Variants in DCP2 observed in about 807,000 individuals in gnomAD.
DCP2 encodes the protein decapping mRNA 2.
DCP2 carries 30 observed loss-of-function variants against 56.1 expected under a neutral mutation model. The observed-to-expected ratio is 0.53, with a 90% CI of 0.40 to 0.73. The LOEUF (loss-of-function observed/expected upper bound fraction) is 0.73, where lower values mean the gene tolerates loss of function less well. DCP2 is among the 30% of genes least tolerant of loss of function. The pLI, the probability that DCP2 is intolerant of heterozygous loss-of-function variation, is 0.00. For synonymous variants in DCP2, 197 were observed against 163.3 expected (o/e 1.21, Z -1.57); for missense variants, 533 against 502.7 (o/e 1.06, Z -0.58).
intron 2 of DCP2, 42 bp from the exon 3 acceptor site, chr5:112,992,079 C>A (rs1338549772): frequency 5.0e-6 from 8 of 1,603,454 alleles, no homozygotes; most frequent in Non-Finnish European, 6.8e-6. Context: ...ATTTCTCAAG[C>A]CATATTAAAG....
intron 4 of DCP2, among the ~76,000 whole-genome samples, chr5:112,996,755 A>C (rs756740589): frequency 6.6e-6 from 1 of 152,124 alleles, no homozygotes; most frequent in African/African-American, 2.4e-5. Context: ...CCAATCTTCT[A>C]TTTGACCTTT....
Position 113,021,425 on chromosome 5 carries a change from C to G in DCP2, c.*7941C>G, listed in dbSNP as rs182739141. Among the ~76,000 whole-genome samples, 1 of 148,084 alleles carries G rather than the reference C, an allele frequency of 6.8e-6. No individual in the cohort carries two copies. Among genetic ancestry groups the G allele is most frequent in the East Asian group, 2.0e-4 (1 of 5,084 alleles). On this transcript the variant is annotated 3_prime_UTR_variant, in exon 11 of 11. Transcript: ENST00000389063. ...AAAAACCCCCAGGAAGAAATATTGTCGAGAGTCTCTGCAAAAATGAAAATA... is the reference window on the plus strand; with the variant it reads ...AAAAACCCCCAGGAAGAAATATTGTGGAGAGTCTCTGCAAAAATGAAAATA...
At chr5:112,990,791 C>G (rs1748551246) in intron 2 of DCP2, among the ~76,000 whole-genome samples, 1 of 140,548 alleles carries the variant, frequency 7.1e-6, no homozygotes, top group African/African-American at 3.0e-5. Context: ...CTCTGAGGAC[C>G]TATTTCATTT....
At chr5:113,003,888 A>G in intron 7 of DCP2, 54 bp from the exon 8 acceptor site, 21 of 1,593,682 alleles carry the variant, frequency 1.3e-5, no homozygotes, top group Non-Finnish European at 1.8e-5. Context: ...AAGGTGTTAA[A>G]AGAACTATAA....
intron 9 of DCP2, among the ~76,000 whole-genome samples, chr5:113,009,779 A>G (rs1194832370): frequency 6.6e-6 from 1 of 152,218 alleles, no homozygotes; most frequent in Non-Finnish European, 1.5e-5. Flanking sequence ...ACTATCAGAC[A>G]CTAGTACATA....
At chr5:112,998,576 C>T (rs1238955144) in intron 4 of DCP2, among the ~76,000 whole-genome samples, 1 of 152,164 alleles carries the variant, frequency 6.6e-6, no homozygotes, top group Non-Finnish European at 1.5e-5. Flanking sequence ...ATTTACTAAG[C>T]ACAAAGTACA....
At chr5:113,002,027 T>C (rs1749204356) in intron 7 of DCP2, among the ~76,000 whole-genome samples, 2 of 152,188 alleles carry the variant, frequency 1.3e-5, no homozygotes, top group Admixed American at 1.3e-4. Flanking sequence ...TAAAGACGTT[T>C]GGATGGAGGA....
chr5:112,989,354 T>C (rs934524420), intron 2 of DCP2, among the ~76,000 whole-genome samples: 2 of 152,032 alleles, frequency 1.3e-5, no homozygotes, highest in African/African-American at 2.4e-5. Flanking sequence ...GAAACACATA[T>C]ATTTGTACAT....
intron 4 of DCP2, among the ~76,000 whole-genome samples, chr5:112,998,853 T>A (rs988528228): frequency 6.6e-6 from 1 of 152,220 alleles, no homozygotes; most frequent in East Asian, 1.9e-4. Context: ...AGGAGTTCTT[T>A]TAGGGCAATC....
chr5:113,005,014 A>T (rs1165355435), intron 8 of DCP2, among the ~76,000 whole-genome samples: 1 of 151,812 alleles, frequency 6.6e-6, no homozygotes, highest in Non-Finnish European at 1.5e-5. Flanking sequence ...AATCCCAGCT[A>T]CTCTAGATAG....
At chr5:112,991,970 C>A (rs1268314727) in intron 2 of DCP2, 151 bp from the exon 3 acceptor site, 1 of 1,079,402 alleles carries the variant, frequency 9.3e-7, no homozygotes. Context: ...AGGTGTGAGC[C>A]ATGGTGCCTG....
At position 113,016,252 on chromosome 5, in the gene DCP2, A is replaced by C. The variant is rs1328222207; in HGVS notation, c.*2768A>C. ...TAGCAAATGAATGGTTTAGGATTTC[A>C]AATAGTGATACCCTCCTGAGACATG... On this transcript the variant is annotated 3_prime_UTR_variant, in exon 11 of 11. Coordinates refer to ENST00000389063, the MANE Select transcript of DCP2 (RefSeq NM_152624.6). 1 of 152,644 alleles carries C rather than the reference A, an allele frequency of 6.6e-6. No homozygotes were observed. The highest frequency in any genetic ancestry group is 1.5e-5 in the Non-Finnish European group (1 of 68,038). The allele number at this position is 152,644 out of a possible 1,614,324, so 9.5% of individuals were successfully genotyped here. A position where few individuals can be genotyped will look rare whatever the true frequency, so the allele number is the denominator to read the frequency against.
intron 1 of DCP2, among the ~76,000 whole-genome samples, chr5:112,985,455 G>A (rs1442624289): frequency 5.9e-5 from 9 of 152,190 alleles, no homozygotes; most frequent in African/African-American, 1.9e-4. Context: ...TGTATGTGAA[G>A]ATTATGTAAT....
Position 113,010,785 on chromosome 5 carries a change from A to C in DCP2, c.1077A>C (p.Lys359Asn), listed in dbSNP as rs764345575. 7 of 1,597,692 alleles carry C rather than the reference A, an allele frequency of 4.4e-6. No individual in the cohort carries two copies. The South Asian group carries it at 8.0e-5, about 18-fold the overall frequency. ...GTGAAAAGAAACTTCATCCACGGAA[A>C]CTTCAGGATAATTTTGAAACAGGCA... is the stretch of plus-strand genomic sequence containing the variant. Reference protein sequence around the residue: ...MKCEKKLHPRKLQDNFETDAV... With the variant: ...MKCEKKLHPRNLQDNFETDAV... Residue 359 changes from lysine to asparagine, a missense_variant, in exon 10 of 11, where the codon AAA becomes AAC. Transcript: ENST00000389063.
Position 112,987,440 on chromosome 5 carries a change from T to G in DCP2, c.205+1454T>G, listed in dbSNP as rs78121749. Reference sequence around the variant, plus strand: ...TCTTAAATCTTGAGCTAAAGCACTTTGATTTTTATTCCCCCCGCCCGCCCG... The same window carrying G: ...TCTTAAATCTTGAGCTAAAGCACTTGGATTTTTATTCCCCCCGCCCGCCCG... On this transcript the variant is annotated intron_variant, in intron 2 of 10. Transcript: ENST00000389063. 7.1e-3 allele frequency among the ~76,000 whole-genome samples: 1,084 copies of G among 152,116 alleles called. 10 individuals are homozygous for G. The highest frequency in any genetic ancestry group is 0.024 in the African/African-American group (1,007 of 41,472).
intron 10 of DCP2, among the ~76,000 whole-genome samples, chr5:113,012,314 T>G (rs1238490400): frequency 1.3e-5 from 2 of 152,232 alleles, no homozygotes. Flanking sequence ...GAGCTGTGAT[T>G]ATCACTGTAC....
chr5:113,002,624 A>ATT, intron 7 of DCP2, among the ~76,000 whole-genome samples: 1 of 152,140 alleles, frequency 6.6e-6, no homozygotes, highest in East Asian at 1.9e-4. Flanking sequence ...GGACTCAAGT[A>ATT]ATCATCCCAC....
intron 9 of DCP2, 65 bp downstream of exon 9, chr5:113,008,107 G>A: frequency 7.6e-7 from 1 of 1,308,480 alleles, no homozygotes; most frequent in South Asian, 1.3e-5. Flanking sequence ...CAAGGGCATT[G>A]CCAAAGCACA....
At chr5:112,992,016 A>G (rs1424795268) in intron 2 of DCP2, 105 bp from the exon 3 acceptor site, 8 of 1,489,892 alleles carry the variant, frequency 5.4e-6, no homozygotes, top group Non-Finnish European at 7.3e-6. Context: ...GAAGATTTGA[A>G]TAATTTCACA....
Sources: allele counts gnomAD v4.1 joint callset (sites outside exome capture counted in the v4.1 genomes callset), GRCh38; gene constraint gnomAD v4.1.1; transcripts MANE v1.5; gene names NCBI Gene and HGNC (gene_info 2026-07-23, HGNC 2026-07-21).